Variants in BCAS3 observed in about 807,000 individuals in gnomAD.
The protein encoded by BCAS3 is BCAS3 microtubule associated cell migration factor.
Under a neutral mutation model 116.1 loss-of-function variants are expected in BCAS3, and 53 were observed. The ratio of observed to expected loss-of-function variants is 0.46; its 90% CI spans 0.37 to 0.57. BCAS3 has a LOEUF of 0.57. Ranked by LOEUF, BCAS3 falls within the 20% of genes least tolerant of loss-of-function variation. BCAS3 has a pLI of 0.00. For synonymous variants in BCAS3, 391 were observed against 408.2 expected (o/e 0.96, Z 0.51); for missense variants, 917 against 1,165.4 (o/e 0.79, Z 3.10).
intron 22 of BCAS3, among the ~76,000 whole-genome samples, chr17:61,312,821 G>A (rs3785858): frequency 0.27 from 40,645 of 152,040 alleles, 7,528 homozygotes; most frequent in African/African-American, 0.53. Flanking sequence ...CAGTAGCCTC[G>A]GGGTCAGGAC....
chr17:61,159,453 T>A (rs1318753496), intron 22 of BCAS3: 2 of 152,232 alleles, frequency 1.3e-5, no homozygotes, highest in Non-Finnish European at 2.9e-5. Flanking sequence ...AACCATTTGG[T>A]AAGTCTGACC....
chr17:61,010,063 T>A (rs533706189), intron 15 of BCAS3, among the ~76,000 whole-genome samples: 2 of 149,096 alleles, frequency 1.3e-5, no homozygotes, highest in East Asian at 3.9e-4. Flanking sequence ...GTTTTCAGAC[T>A]CTGTCTTTTT....
In BCAS3 at chr17:60,993,782, A is replaced by T. The variant is rs1183635974; in HGVS notation, c.1486+3547A>T. 2.6e-5 allele frequency among the ~76,000 whole-genome samples: 4 copies of T among 152,214 alleles called. No individual in the cohort carries two copies. The highest frequency in any genetic ancestry group is 4.1e-4 in the South Asian group (2 of 4,828). On this transcript the variant is annotated intron_variant, in intron 15 of 23. Coordinates refer to ENST00000407086, the MANE Select transcript of BCAS3 (RefSeq NM_017679.5). This position sits in a 1 kb window ranked among gnomAD's most constrained non-coding sequence, Gnocchi z 4.2. ...TGTTTGTCTGTGCTCTTTTTAGCCAAGTAAAGGAAACTGTTAAATAACAGT... is the reference window on the plus strand; with the variant it reads ...TGTTTGTCTGTGCTCTTTTTAGCCATGTAAAGGAAACTGTTAAATAACAGT...
At chr17:61,342,725 T>C (rs72834644) in intron 22 of BCAS3, among the ~76,000 whole-genome samples, 9 of 151,854 alleles carry the variant, frequency 5.9e-5, no homozygotes, top group Non-Finnish European at 1.2e-4. Context: ...GTTTCTATCA[T>C]GTACTGTATG....
chr17:60,863,810 A>G (rs1246355301), intron 7 of BCAS3, among the ~76,000 whole-genome samples: 1 of 151,464 alleles, frequency 6.6e-6, no homozygotes, highest in African/African-American at 2.4e-5. Context: ...GCATTATGTC[A>G]AAAAAAAATC....
chr17:60,874,609 G>T, intron 8 of BCAS3, 53 bp from the exon 9 acceptor site: 2 of 1,306,886 alleles, frequency 1.5e-6, no homozygotes, highest in East Asian at 4.6e-5. Context: ...TCCACTTACA[G>T]AATTTCACAT....
chr17:61,092,009 A>C (rs143252635), intron 22 of BCAS3, among the ~76,000 whole-genome samples: 1 of 152,342 alleles, frequency 6.6e-6, no homozygotes, highest in African/African-American at 2.4e-5. Context: ...AAAGTTTCTT[A>C]TGCCCCTTCC....
chr17:60,996,516 T>G (rs1445060148), intron 15 of BCAS3, among the ~76,000 whole-genome samples: 1 of 152,136 alleles, frequency 6.6e-6, no homozygotes, highest in Non-Finnish European at 1.5e-5. Flanking sequence ...AAATGAAGAA[T>G]GTTGTGGATA....
chr17:60,767,600 G>A (rs1461669654), intron 6 of BCAS3, among the ~76,000 whole-genome samples: 1 of 151,938 alleles, frequency 6.6e-6, no homozygotes, highest in Non-Finnish European at 1.5e-5. Context: ...ACCCTCTTCA[G>A]CCTCCCAAAG....
At chr17:60,966,922 A>G (rs1470056130) in intron 14 of BCAS3, among the ~76,000 whole-genome samples, 1 of 152,162 alleles carries the variant, frequency 6.6e-6, no homozygotes. Flanking sequence ...CTGGGATTAC[A>G]GATGTGAGTT....
Position 61,363,821 on chromosome 17 carries a change from C to T in BCAS3, c.2426-4506C>T, listed in dbSNP as rs1471075222. Among the ~76,000 whole-genome samples the T allele has an allele frequency of 6.6e-6, 1 of 152,190 alleles. No homozygotes were observed. The highest frequency in any genetic ancestry group is 2.4e-5 in the African/African-American group (1 of 41,462). On this transcript the variant is annotated intron_variant, in intron 22 of 23. Transcript: ENST00000407086. This position sits in a 1 kb window ranked among gnomAD's most constrained non-coding sequence, Gnocchi z 4.9. Reference sequence around the variant, plus strand: ...CCTGTAATGGGACTCAAAGGGCCAGCTCATCTGATGGAGTGTCCCTGGGCT... The same window carrying T: ...CCTGTAATGGGACTCAAAGGGCCAGTTCATCTGATGGAGTGTCCCTGGGCT...
In BCAS3 at chr17:60,816,279, C is replaced by CTTTT. The variant is rs537982584; in HGVS notation, c.476+8214_476+8217dup. On this transcript the variant is annotated intron_variant, in intron 7 of 23. Transcript: ENST00000407086. Reference sequence around the variant, plus strand: ...TATAACTTTTCTTTCTTTTTCTTTTCTTTTTTTTTTTTTTGAGACGGAGTC... The same window carrying CTTTT: ...TATAACTTTTCTTTCTTTTTCTTTTCTTTTTTTTTTTTTTTTTTGAGACGGAGTC... 2.3e-4 allele frequency among the ~76,000 whole-genome samples: 32 copies of CTTTT among 140,114 alleles called. 2 individuals carry two copies. Among genetic ancestry groups the CTTTT allele is most frequent in the African/African-American group, 3.8e-4 (14 of 36,690 alleles). The allele number at this position is 140,114 out of a possible 152,430, so 91.9% of individuals were successfully genotyped here. A position where few individuals can be genotyped will look rare whatever the true frequency, so the allele number is the denominator to read the frequency against.
chr17:61,171,300 CAAATG>C lies in BCAS3; in HGVS notation c.2425+86738_2425+86742del, dbSNP rs560033782. ...AACATAGGTGTAGCTAATCAGTTAA[CAAATG>C]AGATAAAAATGGCATCCTAAAAATA... is the stretch of plus-strand genomic sequence containing the variant. On this transcript the variant is annotated intron_variant, in intron 22 of 23. Transcript: ENST00000407086. This position sits in a 1 kb window ranked among gnomAD's most constrained non-coding sequence, Gnocchi z 4.1. Among the ~76,000 whole-genome samples the C allele has an allele frequency of 3.2e-3, 493 of 152,010 alleles. 3 individuals are homozygous for C. Among genetic ancestry groups the C allele is most frequent in the African/African-American group, 0.011 (462 of 41,462 alleles).
chr17:61,388,682 C>A lies in BCAS3; in HGVS notation c.2594-3295C>A. 1 of 1,550,354 alleles carries A rather than the reference C, an allele frequency of 6.5e-7. No homozygotes were observed. The highest frequency in any genetic ancestry group is 8.7e-7 in the Non-Finnish European group (1 of 1,155,802). Reference sequence around the variant, plus strand: ...GCGTCCGTGAGCAACCCAACAGTAACAAAGCATGCGTTCGGGATGGAGGAA... The same window carrying A: ...GCGTCCGTGAGCAACCCAACAGTAAAAAAGCATGCGTTCGGGATGGAGGAA... On this transcript the variant is annotated intron_variant, in intron 23 of 23. Coordinates refer to ENST00000407086, the MANE Select transcript of BCAS3 (RefSeq NM_017679.5). The surrounding 1 kb of genome is among the most constrained non-coding windows in gnomAD (Gnocchi z 6.5).
intron 20 of BCAS3, 51 bp downstream of exon 20, chr17:61,075,071 ACTGTTTTTATT>A (rs1330785328): frequency 7.0e-7 from 1 of 1,427,592 alleles, no homozygotes; most frequent in Admixed American, 1.8e-5. Flanking sequence ...ACAGAAATTT[ACTGTTTTTATT>A]CTTTTCCTTA....
chr17:60,862,484 T>C (rs2054240027), intron 7 of BCAS3, among the ~76,000 whole-genome samples: 1 of 152,206 alleles, frequency 6.6e-6, no homozygotes, highest in Non-Finnish European at 1.5e-5. Context: ...AGATACAATT[T>C]TGGAATTCAT....
In BCAS3 at chr17:61,323,383, G is replaced by A. The variant is rs917923962; in HGVS notation, c.2426-44944G>A. On this transcript the variant is annotated intron_variant, in intron 22 of 23. Coordinates refer to ENST00000407086, the MANE Select transcript of BCAS3 (RefSeq NM_017679.5). The surrounding 1 kb of genome is among the most constrained non-coding windows in gnomAD (Gnocchi z 4.6). ...TAGTGCAGTGAGCAGTTAGCATAAGGGAGTTCCAGCCCCGGGTTCTAGTCT... is the reference window on the plus strand; with the variant it reads ...TAGTGCAGTGAGCAGTTAGCATAAGAGAGTTCCAGCCCCGGGTTCTAGTCT... Among the ~76,000 whole-genome samples, 1 of 152,176 alleles carries A rather than the reference G, an allele frequency of 6.6e-6. No homozygotes were observed. Among genetic ancestry groups the A allele is most frequent in the Admixed American group, 6.5e-5 (1 of 15,278 alleles).
At chr17:60,844,624 C>A (rs1348282958) in intron 7 of BCAS3, among the ~76,000 whole-genome samples, 1 of 152,140 alleles carries the variant, frequency 6.6e-6, no homozygotes, top group Admixed American at 6.5e-5. Context: ...GTTGGTCTAA[C>A]TAAGGGGGAG....
In BCAS3 at chr17:61,278,165, C is replaced by T. The variant is rs2050933789; in HGVS notation, c.2426-90162C>T. Among the ~76,000 whole-genome samples, 4 of 152,194 alleles carry T rather than the reference C, an allele frequency of 2.6e-5. 1 individual carries two copies. In the South Asian group the frequency reaches 6.2e-4, roughly 24 times the overall value. On this transcript the variant is annotated intron_variant, in intron 22 of 23. Coordinates refer to ENST00000407086, the MANE Select transcript of BCAS3 (RefSeq NM_017679.5). This position sits in a 1 kb window ranked among gnomAD's most constrained non-coding sequence, Gnocchi z 5.8. ...TCAAGCAATTCTCCTGCCTCAGCCTCCCGAGTAGCTGGGATTACAGACACA... is the reference window on the plus strand; with the variant it reads ...TCAAGCAATTCTCCTGCCTCAGCCTTCCGAGTAGCTGGGATTACAGACACA...
Sources: gnomAD v4.1 joint callset for allele counts (sites outside exome capture counted in the v4.1 genomes callset) on GRCh38, gnomAD v4.1.1 for gene constraint, Gnocchi (gnomAD v3.1) non-coding constraint, MANE v1.5 for transcripts, NCBI Gene and HGNC (gene_info 2026-07-23, HGNC 2026-07-21) for gene names.